TLK1: variants seen among roughly 807,000 people sequenced by gnomAD.
TLK1 encodes tousled like kinase 1.
Under a neutral mutation model 105.3 loss-of-function variants are expected in TLK1, and 24 were observed. The ratio of observed to expected loss-of-function variants is 0.23; its 90% CI spans 0.17 to 0.32. The LOEUF (loss-of-function observed/expected upper bound fraction) is 0.32. Among genes scored for constraint, TLK1 ranks in the 10% least tolerant of loss-of-function variants. The pLI is 1.00. For synonymous variants in TLK1, 321 were observed against 310.4 expected, an observed-to-expected ratio of 1.03 and a Z score of -0.36; for missense variants, 558 against 910.5, an observed-to-expected ratio of 0.61 and a Z score of 4.98.
At chr2:171,029,008 A>T (rs1258546599) in intron 11 of TLK1, among the ~76,000 whole-genome samples, 1 of 152,198 alleles carries the variant, frequency 6.6e-6, no homozygotes, top group East Asian at 1.9e-4. Flanking sequence ...TATTCTAGAC[A>T]TGAGTTATAG....
rs1684911654 is a variant in TLK1, at chr2:171,011,449, T to G, written c.1340A>C (p.Lys447Thr). ...RINNEDNSQF[K>T]DHPTLNERYL... The stretch of plus-strand genomic sequence containing the variant: ...TCTTTCATTTAATGTTGGGTGATCT[T>G]TGAACCTTAGAGGTGGGGGCAAAAA... Residue 447 changes from lysine to threonine, a missense_variant, in exon 14 of 21, where the codon AAA becomes ACA. Transcript: ENST00000431350. 1.2e-6 allele frequency: 2 copies of G among 1,611,586 alleles called. No individual in the cohort carries two copies. Among genetic ancestry groups the G allele is most frequent in the Non-Finnish European group, 1.7e-6 (2 of 1,179,010 alleles).
intron 2 of TLK1, among the ~76,000 whole-genome samples, chr2:171,094,408 C>G (rs1182119399): frequency 6.6e-6 from 1 of 151,728 alleles, no homozygotes; most frequent in Non-Finnish European, 1.5e-5. Context: ...GAAAAAAAAT[C>G]AAATATTAAA....
chr2:171,030,044 C>T (rs2105396011), intron 11 of TLK1, among the ~76,000 whole-genome samples: 1 of 152,316 alleles, frequency 6.6e-6, no homozygotes, highest in South Asian at 2.1e-4. Context: ...CCACAACCGG[C>T]CCATACCCCA....
intron 7 of TLK1, chr2:171,054,506 A>T (rs1379265636): frequency 1.3e-5 from 2 of 152,394 alleles, no homozygotes; most frequent in Non-Finnish European, 2.9e-5. Flanking sequence ...GTTTTGATAC[A>T]TGCACAACAG....
At chr2:171,130,840 C>T (rs1318139887) in intron 1 of TLK1, among the ~76,000 whole-genome samples, 2 of 152,078 alleles carry the variant, frequency 1.3e-5, no homozygotes, top group East Asian at 3.9e-4. Flanking sequence ...ACCATCACTT[C>T]CAACTCTAAC....
chr2:171,039,259 T>C (rs1307715784), intron 11 of TLK1, among the ~76,000 whole-genome samples: 1 of 152,052 alleles, frequency 6.6e-6, no homozygotes, highest in Non-Finnish European at 1.5e-5. Context: ...ATGAGCTTTG[T>C]TTTGTTTTGT....
chr2:170,998,280 A>G (rs920791240), intron 18 of TLK1, among the ~76,000 whole-genome samples: 7 of 152,172 alleles, frequency 4.6e-5, no homozygotes, highest in Admixed American at 3.3e-4. Context: ...TGTTCAAACA[A>G]CTTCGACAGC....
chr2:171,145,181 G>A (rs553502489), intron 1 of TLK1, among the ~76,000 whole-genome samples: 7 of 152,102 alleles, frequency 4.6e-5, no homozygotes, highest in Non-Finnish European at 7.4e-5. Flanking sequence ...GGAGATGCAC[G>A]CATGTAGTCC....
rs371115634 is a variant in TLK1, at chr2:171,171,672, CT to C, written c.-5-53816del. Among the ~76,000 whole-genome samples, 41 of 151,892 alleles carry C rather than the reference CT, an allele frequency of 2.7e-4. 1 individual carries two copies. The highest frequency in any genetic ancestry group is 2.3e-3 in the South Asian group (11 of 4,816). On this transcript the variant is annotated intron_variant, in intron 1 of 20. Coordinates refer to the TLK1 transcript ENST00000521943. ...AAACAAACAAAAACTTGAACAGTTG[CT>C]TCACAAAAAAGAATAACCAAATGCA...
chr2:171,077,354 T>C (rs1688558334), intron 3 of TLK1, among the ~76,000 whole-genome samples: 1 of 152,220 alleles, frequency 6.6e-6, no homozygotes, highest in Non-Finnish European at 1.5e-5. Flanking sequence ...TCCCTCTCTC[T>C]TCAGCACTTT....
chr2:171,178,073 C>T (rs924586241), intron 1 of TLK1, among the ~76,000 whole-genome samples: 1 of 152,348 alleles, frequency 6.6e-6, no homozygotes. Flanking sequence ...GCTGGGATTA[C>T]AGGCATGAGC....
intron 2 of TLK1, among the ~76,000 whole-genome samples, chr2:171,094,575 T>C (rs1689373750): frequency 6.6e-6 from 1 of 152,114 alleles, no homozygotes; most frequent in Non-Finnish European, 1.5e-5. Context: ...GCTTAAAAGA[T>C]CGACACTGTA....
chr2:171,172,015 AACT>A (rs1303742967), intron 1 of TLK1, among the ~76,000 whole-genome samples: 1 of 152,226 alleles, frequency 6.6e-6, no homozygotes, highest in African/African-American at 2.4e-5. Context: ...CCAAACTAGA[AACT>A]ATCTAAGTAC....
rs1478968749 is a variant in TLK1 at position 170,990,880 on chromosome 2, A to AC, written c.*2899_*2900insG. 1 of 70,674 alleles carries AC rather than the reference A, an allele frequency of 1.4e-5. No homozygotes were observed. Among genetic ancestry groups the AC allele is most frequent in the African/African-American group, 5.6e-5 (1 of 17,726 alleles). 4.4% of individuals were successfully genotyped at this position (70,674 alleles called of 1,614,324 possible). ...GATGAACAGCAAAACAACACACAAT[A>AC]TACTCTTTAAATGTTTCACTGAAGC... On this transcript the variant is annotated 3_prime_UTR_variant, in exon 21 of 21. Coordinates refer to ENST00000431350, the MANE Select transcript of TLK1 (RefSeq NM_012290.5).
At chr2:171,047,187 C>A (rs1687003239) in intron 10 of TLK1, among the ~76,000 whole-genome samples, 1 of 152,136 alleles carries the variant, frequency 6.6e-6, no homozygotes, top group Non-Finnish European at 1.5e-5. Flanking sequence ...GATACCATGT[C>A]TATTATTAAA....
chr2:171,132,522 C>G (rs1435041549), intron 1 of TLK1, among the ~76,000 whole-genome samples: 1 of 152,176 alleles, frequency 6.6e-6, no homozygotes, highest in Admixed American at 6.5e-5. Flanking sequence ...AATGTTAGTA[C>G]TCTAATAATA....
intron 3 of TLK1, chr2:171,066,999 C>A (rs1688028825): frequency 2.0e-6 from 3 of 1,508,186 alleles, no homozygotes; most frequent in Non-Finnish European, 2.7e-6. Flanking sequence ...TGTGGTCTCA[C>A]AACTTTTGAC....
At chr2:171,034,955 C>T (rs1020634436) in intron 11 of TLK1, among the ~76,000 whole-genome samples, 1 of 152,060 alleles carries the variant, frequency 6.6e-6, no homozygotes, top group Non-Finnish European at 1.5e-5. Flanking sequence ...TGGGAGGGAC[C>T]TGGTGGGAGG....
At chr2:171,034,991 T>G (rs1179923964) in intron 11 of TLK1, among the ~76,000 whole-genome samples, 1 of 152,068 alleles carries the variant, frequency 6.6e-6, no homozygotes, top group Admixed American at 6.6e-5. Flanking sequence ...GGCAGGTCTT[T>G]CCCATGCTGT....
Sources: allele counts gnomAD v4.1 joint callset (sites outside exome capture counted in the v4.1 genomes callset), GRCh38; gene constraint gnomAD v4.1.1; transcripts MANE v1.5; gene names NCBI Gene and HGNC (gene_info 2026-07-23, HGNC 2026-07-21).